The following CYP2C19 variants were observed in gnomAD, a reference collection of about 807,000 sequenced individuals.
CYP2C19 encodes the protein cytochrome P450 2C19.
In CYP2C19, 59 loss-of-function variants were observed where a neutral mutation model predicts 40.9. The observed-to-expected ratio is 1.44, with a 90% confidence interval of 1.17 to 1.79. The LOEUF (loss-of-function observed/expected upper bound fraction) is 1.79, where lower values mean the gene tolerates loss of function less well. Ranked by LOEUF, CYP2C19 falls within the 40% of genes most tolerant of loss-of-function variation. The pLI is 0.00. For synonymous variants in CYP2C19, 253 were observed against 208.7 expected, an observed-to-expected ratio of 1.21 and a Z score of -1.83; for missense variants, 754 against 596.9, an observed-to-expected ratio of 1.26 and a Z score of -2.74.
At chr10:94,823,379 G>A (rs988836423) in intron 6 of CYP2C19, among the ~76,000 whole-genome samples, 2 of 152,140 alleles carry the variant, frequency 1.3e-5, no homozygotes, top group Admixed American at 1.3e-4. Context: ...TGAGGTGTAG[G>A]CTAGAAAGGC....
intron 6 of CYP2C19, among the ~76,000 whole-genome samples, chr10:94,838,683 CAG>C (rs1336169777): frequency 6.6e-6 from 1 of 152,094 alleles, no homozygotes; most frequent in Non-Finnish European, 1.5e-5. Context: ...GGGAAGGAGT[CAG>C]GGGGACACTG....
intron 6 of CYP2C19, among the ~76,000 whole-genome samples, chr10:94,828,315 A>G (rs2134275355): frequency 6.6e-6 from 1 of 151,402 alleles, no homozygotes; most frequent in East Asian, 1.9e-4. Flanking sequence ...TTTGTAGGTC[A>G]CTCAGGATTT....
chr10:94,849,843 T>G, intron 7 of CYP2C19, 74 bp from the exon 8 acceptor site: 2 of 1,553,736 alleles, frequency 1.3e-6, no homozygotes, highest in Non-Finnish European at 1.8e-6. Context: ...AAGATTTAAC[T>G]GCATGATTAC....
At chr10:94,842,511 GACTT>G (rs1849511446) in intron 6 of CYP2C19, among the ~76,000 whole-genome samples, 1 of 150,556 alleles carries the variant, frequency 6.6e-6, no homozygotes, top group Admixed American at 6.6e-5. Context: ...ATTAAGTAAG[GACTT>G]ACTTCTGCCT....
intron 1 of CYP2C19, among the ~76,000 whole-genome samples, chr10:94,769,358 C>A (rs535678559): frequency 2.0e-5 from 3 of 152,272 alleles, no homozygotes; most frequent in East Asian, 1.9e-4. Context: ...ACCCTTGGGG[C>A]AAGACTGTCC....
intron 5 of CYP2C19, among the ~76,000 whole-genome samples, chr10:94,796,587 G>T (rs971132413): frequency 6.6e-6 from 1 of 152,118 alleles, no homozygotes; most frequent in Non-Finnish European, 1.5e-5. Context: ...ACCTTGGGCA[G>T]TATGGCCATT....
rs751729858 is a variant in CYP2C19, at chr10:94,781,809, G to A, written c.643-12G>A. Reference sequence around the variant, plus strand: ...AATGCTTTTAATTTAATAAATTATTGTTTTCTCTTAGATATGCAATAATTT... The same window carrying A: ...AATGCTTTTAATTTAATAAATTATTATTTTCTCTTAGATATGCAATAATTT... On this transcript the variant is annotated splice_polypyrimidine_tract_variant and intron_variant, in intron 4 of 8. Transcript: ENST00000371321. The A allele has an allele frequency of 7.4e-7, 1 of 1,353,176 alleles. No homozygotes were observed. Among genetic ancestry groups the A allele is most frequent in the Admixed American group, 2.9e-5 (1 of 33,982 alleles). The allele number at this position is 1,353,176 out of a possible 1,614,324, so 83.8% of individuals were successfully genotyped here. A position where few individuals can be genotyped will look rare whatever the true frequency, so the allele number is the denominator to read the frequency against.
At chr10:94,839,327 C>A (rs956667557) in intron 6 of CYP2C19, among the ~76,000 whole-genome samples, 2 of 152,038 alleles carry the variant, frequency 1.3e-5, no homozygotes, top group Non-Finnish European at 2.9e-5. Flanking sequence ...TGTATAACCA[C>A]CCATGGACCT....
chr10:94,841,648 A>G (rs1484555972), intron 6 of CYP2C19, among the ~76,000 whole-genome samples: 1 of 152,146 alleles, frequency 6.6e-6, no homozygotes, highest in Non-Finnish European at 1.5e-5. Context: ...CTTTCCTCTT[A>G]GTACTGGTTT....
intron 6 of CYP2C19, among the ~76,000 whole-genome samples, chr10:94,835,346 C>G (rs1319734018): frequency 6.6e-6 from 1 of 152,072 alleles, no homozygotes; most frequent in Non-Finnish European, 1.5e-5. Context: ...TAAGTAATTC[C>G]CATTGGTTAG....
intron 5 of CYP2C19, among the ~76,000 whole-genome samples, chr10:94,807,645 A>G (rs1271513078): frequency 6.6e-6 from 1 of 152,212 alleles, no homozygotes; most frequent in Non-Finnish European, 1.5e-5. Context: ...TGATATAATC[A>G]TAAGCATTTT....
intron 5 of CYP2C19, among the ~76,000 whole-genome samples, chr10:94,800,184 T>A (rs1262805271): frequency 6.6e-6 from 1 of 152,212 alleles, no homozygotes; most frequent in Admixed American, 6.5e-5. Flanking sequence ...CAGTTGTGGT[T>A]TTGGTGTGAA....
chr10:94,771,839 A>G (rs1848337604), intron 1 of CYP2C19, among the ~76,000 whole-genome samples: 1 of 152,116 alleles, frequency 6.6e-6, no homozygotes, highest in South Asian at 2.1e-4. Context: ...AGTTGCACTC[A>G]CCGACACAGC....
chr10:94,821,594 T>TG (rs1168532591), intron 6 of CYP2C19, among the ~76,000 whole-genome samples: 8 of 152,262 alleles, frequency 5.3e-5, no homozygotes, highest in African/African-American at 2.4e-5. Context: ...AGAATATTTT[T>TG]GGGGGGGCCA....
chr10:94,808,849 A>G (rs1848872866), intron 5 of CYP2C19, among the ~76,000 whole-genome samples: 1 of 152,158 alleles, frequency 6.6e-6, no homozygotes, highest in South Asian at 2.1e-4. Flanking sequence ...ATGAACACTT[A>G]GGTTGCTTCC....
chr10:94,786,556 A>G (rs909923953), intron 5 of CYP2C19, among the ~76,000 whole-genome samples: 3 of 152,036 alleles, frequency 2.0e-5, no homozygotes, highest in African/African-American at 7.2e-5. Context: ...TTTATTTTAG[A>G]TTCAGGAAGT....
chr10:94,818,045 C>A (rs1156703272), intron 5 of CYP2C19, among the ~76,000 whole-genome samples: 1 of 149,686 alleles, frequency 6.7e-6, no homozygotes, highest in Non-Finnish European at 1.5e-5. Context: ...AATCTTTAAT[C>A]CATCTTGAAT....
chr10:94,788,262 C>A (rs1053211998), intron 5 of CYP2C19, among the ~76,000 whole-genome samples: 5 of 151,962 alleles, frequency 3.3e-5, no homozygotes, highest in African/African-American at 4.8e-5. Flanking sequence ...TATATCACTT[C>A]CAGGAGCTTT....
intron 6 of CYP2C19, among the ~76,000 whole-genome samples, chr10:94,827,683 A>T (rs952122525): frequency 6.6e-6 from 1 of 151,890 alleles, no homozygotes; most frequent in African/African-American, 2.4e-5. Flanking sequence ...CTTTGATTTT[A>T]GTTATTTGTT....
Sources: gnomAD v4.1 joint callset for allele counts (sites outside exome capture counted in the v4.1 genomes callset) on GRCh38, gnomAD v4.1.1 for gene constraint, MANE v1.5 for transcripts, NCBI Gene and HGNC (gene_info 2026-07-23, HGNC 2026-07-21) for gene names.